Variants in CTSD observed in about 807,000 individuals in gnomAD.
CTSD encodes the protein ceroid-lipofuscinosis, neuronal 10.
Under a neutral mutation model 43.6 loss-of-function variants are expected in CTSD, and 28 were observed. That is an observed-to-expected ratio of 0.64 (90% CI 0.48 to 0.88). The LOEUF (loss-of-function observed/expected upper bound fraction) is 0.88, where lower values mean the gene tolerates loss of function less well. Among genes scored for constraint, CTSD ranks in the 40% least tolerant of loss-of-function variants. The probability of loss-of-function intolerance (pLI) is 0.00; values close to 1 mark genes in which losing one functional copy is unlikely to be tolerated. For synonymous variants in CTSD, 270 were observed against 249.8 expected (o/e 1.08, Z -0.76); for missense variants, 485 against 555.2 (o/e 0.87, Z 1.27).
chr11:1,759,376 G>A, intron 3 of CTSD, 140 bp downstream of exon 3: 4 of 1,281,598 alleles, frequency 3.1e-6, no homozygotes, highest in Non-Finnish European at 3.3e-6. Context: ...GTCAGTGGCT[G>A]GAGCAGGGTG....
intron 2 of CTSD, chr11:1,761,026 C>A (rs1188877004): frequency 2.1e-6 from 1 of 480,418 alleles, no homozygotes; most frequent in Non-Finnish European, 3.8e-6. Context: ...CTCAGGCAGG[C>A]CCAAGGACCG....
In CTSD at chr11:1,757,470, T is replaced by C. The variant is rs755670512; in HGVS notation, c.558A>G (p.Pro186=). ...RQVFGEATKQ[P]GITFIAAKFD... is the part of the protein sequence containing the mutation. ...ACTTGGCTGCGATGAAGGTGATGCCTGGCTGCTTGGTGGCCTCCCCAAAGA... is the reference window on the plus strand; with the variant it reads ...ACTTGGCTGCGATGAAGGTGATGCCCGGCTGCTTGGTGGCCTCCCCAAAGA... Residue 186 remains proline, a synonymous_variant, in exon 5 of 9, where the codon CCA becomes CCG. Coordinates refer to ENST00000236671, the MANE Select transcript of CTSD (RefSeq NM_001909.5). 4 of 1,613,908 alleles carry C rather than the reference T, an allele frequency of 2.5e-6. No individual in the cohort carries two copies. The highest frequency in any genetic ancestry group is 3.4e-6 in the Non-Finnish European group (4 of 1,180,034).
rs1162926645 is a variant in CTSD, at chr11:1,753,554, C to A, written c.1188G>T (p.Val396=). 1 of 1,613,090 alleles carries A rather than the reference C, an allele frequency of 6.2e-7. No individual in the cohort carries two copies. Among genetic ancestry groups the A allele is most frequent in the Admixed American group, 1.7e-5 (1 of 60,032 alleles). ...GDVFIGRYYT[V]FDRDNNRVGF... ...CCACCCTGTTGTTGTCACGGTCAAACACAGTGTAGTAGCGGCCGATGAAGA... is the reference window on the plus strand; with the variant it reads ...CCACCCTGTTGTTGTCACGGTCAAAAACAGTGTAGTAGCGGCCGATGAAGA... The change falls in exon 9 of 9, where the codon GTG becomes GTT. Residue 396 remains valine, a synonymous_variant. Transcript: ENST00000236671.
At chr11:1,761,657 C>T in intron 1 of CTSD, 189 bp from the exon 2 acceptor site, 1 of 682,854 alleles carries the variant, frequency 1.5e-6, no homozygotes, top group Admixed American at 2.1e-5. Context: ...ACCCATTGCC[C>T]CCCGCCAGGT....
intron 5 of CTSD, among the ~76,000 whole-genome samples, chr11:1,756,411 G>C (rs1218481402): frequency 6.6e-6 from 1 of 152,222 alleles, no homozygotes; most frequent in Admixed American, 6.5e-5. Context: ...GCAGAGCAAA[G>C]AGGCCCAGCC....
chr11:1,756,844 T>G (rs1845815473), intron 5 of CTSD, among the ~76,000 whole-genome samples: 1 of 152,170 alleles, frequency 6.6e-6, no homozygotes, highest in Admixed American at 6.5e-5. Context: ...CCCACAGAGC[T>G]GCTCGCAGCG....
intron 5 of CTSD, among the ~76,000 whole-genome samples, chr11:1,756,052 CTCCT>C (rs1845805608): frequency 6.6e-6 from 1 of 152,162 alleles, no homozygotes; most frequent in Admixed American, 6.5e-5. Flanking sequence ...CTGTGTGCCC[CTCCT>C]TCCACCTGGC....
At chr11:1,761,214 C>T in intron 2 of CTSD, 95 bp downstream of exon 2, 1 of 1,440,922 alleles carries the variant, frequency 6.9e-7, no homozygotes, top group Non-Finnish European at 9.7e-7. Context: ...TCAAACTGCG[C>T]TGCTGAGAAC....
Position 1,753,414 on chromosome 11 carries a change from G to A in CTSD, c.*89C>T, listed in dbSNP as rs1845751744. The A allele has an allele frequency of 2.0e-6, 3 of 1,486,560 alleles. No individual in the cohort carries two copies. In the South Asian group the frequency reaches 3.4e-5, roughly 17 times the overall value. 92.1% of individuals were successfully genotyped at this position (1,486,560 alleles called of 1,614,324 possible). ...CAGGACAGTGGGCGGGCGAGTGTGT[G>A]GGTGTGTGTGGGAGGGGCCGCTGGG... On this transcript the variant is annotated 3_prime_UTR_variant, in exon 9 of 9. Transcript: ENST00000236671.
At chr11:1,758,624 G>C (rs572189189) in intron 4 of CTSD, among the ~76,000 whole-genome samples, 57 of 152,226 alleles carry the variant, frequency 3.7e-4, no homozygotes, top group African/African-American at 1.3e-3. Flanking sequence ...GCCTGCTGCA[G>C]GGACCCTGTG....
intron 5 of CTSD, among the ~76,000 whole-genome samples, chr11:1,756,102 C>G (rs1462363225): frequency 6.6e-6 from 1 of 151,508 alleles, no homozygotes; most frequent in Non-Finnish European, 1.5e-5. Flanking sequence ...GACCTGGGTA[C>G]TCATACCGTG....
chr11:1,763,694 C>T (rs1845911316), intron 1 of CTSD, 98 bp downstream of exon 1: 2 of 1,166,710 alleles, frequency 1.7e-6, no homozygotes, highest in Admixed American at 2.6e-5. Context: ...GCAAGGGGCT[C>T]GTGGGGGCCA....
At chr11:1,757,935 G>A in intron 4 of CTSD, 1 of 335,988 alleles carries the variant, frequency 3.0e-6, no homozygotes, top group Non-Finnish European at 5.7e-6. Flanking sequence ...CCGAGAGATG[G>A]GGAACCTGCC....
At chr11:1,763,597 G>A in intron 1 of CTSD, 195 bp downstream of exon 1, 1 of 527,922 alleles carries the variant, frequency 1.9e-6, no homozygotes, top group Non-Finnish European at 3.3e-6. Context: ...CGGGTCCCCT[G>A]CACCTCCGGA....
Position 1,757,533 on chromosome 11 carries a change from T to C in CTSD, c.495A>G (p.Ser165=). 6.2e-7 allele frequency: 1 copy of C among 1,612,296 alleles called. No individual in the cohort carries two copies. Among genetic ancestry groups the C allele is most frequent in the Non-Finnish European group, 8.5e-7 (1 of 1,179,890 alleles). ...TVSVPCQSAS[S]ASALGGVKVE... is the part of the protein sequence containing the mutation. Reference sequence around the variant, plus strand: ...CTTTGACACCGCCCAGGGCAGAGGCTGACGACGCTGACTGGCAGGGCACCT... The same window carrying C: ...CTTTGACACCGCCCAGGGCAGAGGCCGACGACGCTGACTGGCAGGGCACCT... The change falls in exon 5 of 9, where the codon TCA becomes TCG. Residue 165 remains serine (S), a synonymous_variant. Coordinates refer to ENST00000236671, the MANE Select transcript of CTSD (RefSeq NM_001909.5).
intron 2 of CTSD, 117 bp from the exon 3 acceptor site, chr11:1,759,756 G>A: frequency 8.7e-7 from 1 of 1,155,196 alleles, no homozygotes. Context: ...GGGCATCACG[G>A]GGCCCACAGC....
intron 4 of CTSD, among the ~76,000 whole-genome samples, chr11:1,758,533 C>T (rs1316014178): frequency 6.6e-6 from 1 of 152,104 alleles, no homozygotes; most frequent in Non-Finnish European, 1.5e-5. Context: ...CTCCCAGGCT[C>T]CTGCCGGTGA....
chr11:1,763,584 C>T (rs1458306580), intron 1 of CTSD: 6 of 518,046 alleles, frequency 1.2e-5, no homozygotes, highest in Non-Finnish European at 2.0e-5. Context: ...GGCGCCTCTG[C>T]CCCGGGTCCC....
At chr11:1,756,489 C>G (rs952701598) in intron 5 of CTSD, among the ~76,000 whole-genome samples, 1 of 152,220 alleles carries the variant, frequency 6.6e-6, no homozygotes, top group Admixed American at 6.5e-5. Context: ...ACTCCAAGTG[C>G]CAAGTGAGCC....
Sources: allele counts gnomAD v4.1 joint callset (sites outside exome capture counted in the v4.1 genomes callset), GRCh38; gene constraint gnomAD v4.1.1; transcripts MANE v1.5; gene names NCBI Gene and HGNC (gene_info 2026-07-23, HGNC 2026-07-21).